NAALADL2: variants seen among roughly 807,000 people sequenced by gnomAD.
NAALADL2 encodes N-acetylated alpha-linked acidic dipeptidase like 2, also known as inactive N-acetylated-alpha-linked acidic dipeptidase-like protein 2.
NAALADL2 carries 76 observed loss-of-function variants against 87.2 expected under a neutral mutation model. The observed-to-expected ratio is 0.87, with a 90% confidence interval of 0.72 to 1.05. NAALADL2 has a LOEUF of 1.05. Ranked by LOEUF, NAALADL2 falls within the 50% of genes least tolerant of loss-of-function variation. The pLI is 0.00. For synonymous variants in NAALADL2, 354 were observed against 331.0 expected (o/e 1.07, Z -0.75); for missense variants, 1,089 against 945.8 (o/e 1.15, Z -1.99).
chr3:175,400,314 C>T (rs1770400627), intron 5 of NAALADL2, among the ~76,000 whole-genome samples: 1 of 152,034 alleles, frequency 6.6e-6, no homozygotes. Flanking sequence ...GGATCAAGGG[C>T]TTCATCGGTA....
intron 1 of NAALADL2, among the ~76,000 whole-genome samples, chr3:174,533,661 C>T (rs1415435996): frequency 6.7e-6 from 1 of 150,064 alleles, no homozygotes; most frequent in East Asian, 1.9e-4. Flanking sequence ...TTTAAAGTGT[C>T]TAATTGGAGC....
rs779399385 is a variant in NAALADL2, at chr3:175,002,275, C to T, written c.44-94515C>T. ...GAAGAAGCATTTGTTTTATGTATAG[C>T]GCAGAAAGTCAGAAACTAGACAGTG... is the stretch of plus-strand genomic sequence containing the variant. On this transcript the variant is annotated intron_variant, in intron 1 of 13. Transcript: ENST00000454872. 5.9e-5 allele frequency among the ~76,000 whole-genome samples: 9 copies of T among 152,020 alleles called. No homozygotes were observed. In the East Asian group the frequency reaches 9.7e-4, roughly 16 times the overall value.
intron 1 of NAALADL2, among the ~76,000 whole-genome samples, chr3:175,086,437 AG>A (rs1159501435): frequency 3.3e-5 from 5 of 152,246 alleles, no homozygotes; most frequent in Admixed American, 2.0e-4. Flanking sequence ...AAACGGGAAA[AG>A]AAGCTAAAAT....
chr3:175,281,067 T>A (rs1471534890), intron 4 of NAALADL2, among the ~76,000 whole-genome samples: 1 of 150,998 alleles, frequency 6.6e-6, no homozygotes, highest in Non-Finnish European at 1.5e-5. Context: ...GAATCTCAGT[T>A]TTGTTTTTCT....
chr3:174,626,710 AT>A (rs1721614357), intron 2 of NAALADL2, among the ~76,000 whole-genome samples: 1 of 151,982 alleles, frequency 6.6e-6, no homozygotes, highest in Non-Finnish European at 1.5e-5. Flanking sequence ...TTATTATTGT[AT>A]TTTAAAGTTT....
At chr3:175,588,536 T>TTC (rs1720898482) in intron 10 of NAALADL2, among the ~76,000 whole-genome samples, 1 of 117,626 alleles carries the variant, frequency 8.5e-6, no homozygotes, top group Non-Finnish European at 1.7e-5. Flanking sequence ...TTTCTTTTCT[T>TTC]TTTTTTTTTT....
intron 2 of NAALADL2, among the ~76,000 whole-genome samples, chr3:175,161,423 C>T (rs1208081254): frequency 6.6e-6 from 1 of 152,094 alleles, no homozygotes; most frequent in Non-Finnish European, 1.5e-5. Context: ...TCACTACTGA[C>T]TATGCCAGGA....
intron 2 of NAALADL2, among the ~76,000 whole-genome samples, chr3:174,715,580 A>C (rs1731104798): frequency 1.3e-5 from 2 of 152,142 alleles, no homozygotes; most frequent in Non-Finnish European, 2.9e-5. Context: ...TCAGTGGGAC[A>C]TATTAAATCT....
At chr3:174,998,078 G>C (rs1747761278) in intron 1 of NAALADL2, among the ~76,000 whole-genome samples, 1 of 152,154 alleles carries the variant, frequency 6.6e-6, no homozygotes, top group Non-Finnish European at 1.5e-5. Context: ...CTACAAAGGT[G>C]AATGGGTATC....
At chr3:174,850,608 C>T (rs9871227) in intron 3 of NAALADL2, among the ~76,000 whole-genome samples, 33,882 of 151,888 alleles carry the variant, frequency 0.22, 4,018 homozygotes, top group East Asian at 0.44. Context: ...GCTAGAGTAC[C>T]CAGATATGTA....
At chr3:175,004,020 C>T (rs1185632440) in intron 1 of NAALADL2, among the ~76,000 whole-genome samples, 1 of 152,162 alleles carries the variant, frequency 6.6e-6, no homozygotes, top group Non-Finnish European at 1.5e-5. Flanking sequence ...AGGACCCTCA[C>T]CTGCTTCTCA....
chr3:174,824,498 T>C (rs1455693663), intron 3 of NAALADL2, among the ~76,000 whole-genome samples: 1 of 152,232 alleles, frequency 6.6e-6, no homozygotes, highest in Non-Finnish European at 1.5e-5. Flanking sequence ...CCAGAGGATA[T>C]GACTGGTTAC....
At chr3:175,026,150 A>G (rs1272025686) in intron 1 of NAALADL2, among the ~76,000 whole-genome samples, 1 of 152,148 alleles carries the variant, frequency 6.6e-6, no homozygotes, top group Admixed American at 6.5e-5. Flanking sequence ...AGTTAACAAT[A>G]GAAGAAAATC....
At position 174,560,109 on chromosome 3, in the gene NAALADL2, A is replaced by G. The variant is rs189065564; in HGVS notation, c.-115+9472A>G. 5.5e-4 allele frequency among the ~76,000 whole-genome samples: 84 copies of G among 152,176 alleles called. 1 individual carries two copies. The South Asian group carries it at 5.8e-3, about 11-fold the overall frequency. On this transcript the variant is annotated intron_variant, in intron 2 of 3. Coordinates refer to the NAALADL2 transcript ENST00000434257. The stretch of plus-strand genomic sequence containing the variant: ...GTTTCCTGGTCTGTGTGGATCAATG[A>G]GGTTCTTTTTAATTACTTTTGTCTC...
At chr3:174,696,990 CAT>C (rs1170853331) in intron 2 of NAALADL2, among the ~76,000 whole-genome samples, 3 of 152,014 alleles carry the variant, frequency 2.0e-5, no homozygotes, top group Admixed American at 1.3e-4. Flanking sequence ...CAAGTAGACT[CAT>C]ACAAAAAGAA....
At chr3:174,928,137 A>C (rs2108397811) in intron 1 of NAALADL2, among the ~76,000 whole-genome samples, 1 of 152,356 alleles carries the variant, frequency 6.6e-6, no homozygotes, top group East Asian at 1.9e-4. Context: ...GAACTGATTG[A>C]TGCTTGAATT....
chr3:174,799,975 ACTT>A (rs1718621997), intron 3 of NAALADL2, among the ~76,000 whole-genome samples: 2 of 151,358 alleles, frequency 1.3e-5, no homozygotes, highest in African/African-American at 2.4e-5. Context: ...GGAACTTTGA[ACTT>A]CAGAGAGATG....
intron 2 of NAALADL2, among the ~76,000 whole-genome samples, chr3:174,575,901 G>A (rs1312033685): frequency 6.6e-6 from 1 of 152,050 alleles, no homozygotes. Flanking sequence ...TTTTGCTCTT[G>A]TTGCCCAGGC....
At chr3:174,893,330 A>G (rs776263818) in intron 1 of NAALADL2, among the ~76,000 whole-genome samples, 2 of 147,690 alleles carry the variant, frequency 1.4e-5, no homozygotes, top group Non-Finnish European at 3.0e-5. Context: ...GCAAAAAGTT[A>G]TTATTGAGCA....
Sources: allele counts gnomAD v4.1 joint callset (sites outside exome capture counted in the v4.1 genomes callset), GRCh38; gene constraint gnomAD v4.1.1; transcripts MANE v1.5; gene names NCBI Gene and HGNC (gene_info 2026-07-23, HGNC 2026-07-21).